Variants in RFX2 observed in about 807,000 individuals in gnomAD.
RFX2 encodes the protein DNA-binding protein RFX2.
A neutral mutation model predicts 87.8 loss-of-function variants in RFX2; 20 were observed. The ratio of observed to expected loss-of-function variants is 0.23; its 90% CI spans 0.16 to 0.33. RFX2 has a LOEUF of 0.33. Ranked by LOEUF, RFX2 falls within the 10% of genes least tolerant of loss-of-function variation. The probability of loss-of-function intolerance (pLI) is 1.00; values close to 1 mark genes in which losing one functional copy is unlikely to be tolerated. For synonymous variants in RFX2, 397 were observed against 431.3 expected, an observed-to-expected ratio of 0.92 and a Z score of 0.98; for missense variants, 767 against 1,012.3, an observed-to-expected ratio of 0.76 and a Z score of 3.29.
intron 1 of RFX2, among the ~76,000 whole-genome samples, chr19:6,096,658 G>C (rs892215917): frequency 1.3e-5 from 2 of 152,184 alleles, no homozygotes; most frequent in East Asian, 1.9e-4. Context: ...ATGTTAGCCA[G>C]GATGGTCTCG....
intron 1 of RFX2, among the ~76,000 whole-genome samples, chr19:6,048,340 T>C (rs1263690284): frequency 1.3e-5 from 2 of 152,256 alleles, no homozygotes; most frequent in Non-Finnish European, 2.9e-5. Flanking sequence ...AGTTTTACAA[T>C]TCTATATAAA....
intron 1 of RFX2, among the ~76,000 whole-genome samples, chr19:6,051,978 C>T (rs368144662): frequency 5.3e-5 from 8 of 152,250 alleles, no homozygotes; most frequent in East Asian, 3.9e-4. Context: ...CCCAGGTTCA[C>T]GCCATTCTCC....
Position 6,002,618 on chromosome 19 carries a change from CG to C in RFX2, c.1650+102del. On this transcript the variant is annotated intron_variant, in intron 14 of 17. Coordinates refer to ENST00000303657, the MANE Select transcript of RFX2 (RefSeq NM_000635.4). This position sits in a 1 kb window ranked among gnomAD's most constrained non-coding sequence, Gnocchi z 6.7. ...CATGCAACAGAACCGTGGCCAGGCT[CG>C]GGGCAGGGGCCAGGTTGTGCCACGG... 2 of 1,434,074 alleles carry C rather than the reference CG, an allele frequency of 1.4e-6. No individual in the cohort carries two copies. Among genetic ancestry groups the C allele is most frequent in the Non-Finnish European group, 9.6e-7 (1 of 1,040,740 alleles). The allele number at this position is 1,434,074 out of a possible 1,614,324, so 88.8% of individuals were successfully genotyped here. A position where few individuals can be genotyped will look rare whatever the true frequency, so the allele number is the denominator to read the frequency against.
chr19:6,070,373 A>G (rs567331861), intron 1 of RFX2, among the ~76,000 whole-genome samples: 1 of 152,058 alleles, frequency 6.6e-6, no homozygotes, highest in Non-Finnish European at 1.5e-5. Context: ...ACCAAGTCAT[A>G]GTCCTTCTGG....
chr19:6,033,503 T>G (rs1192530107), intron 5 of RFX2, among the ~76,000 whole-genome samples: 1 of 152,018 alleles, frequency 6.6e-6, no homozygotes, highest in Admixed American at 6.6e-5. Context: ...TAGTGCTTTT[T>G]GTATGACAGT....
At chr19:6,085,786 T>C (rs1248217847) in intron 1 of RFX2, among the ~76,000 whole-genome samples, 2 of 152,092 alleles carry the variant, frequency 1.3e-5, no homozygotes, top group East Asian at 1.9e-4. Context: ...TTAATTTTTG[T>C]GTATGTTATA....
intron 13 of RFX2, among the ~76,000 whole-genome samples, chr19:6,003,127 C>T (rs74174363): frequency 0.13 from 19,224 of 152,170 alleles, 1,412 homozygotes; most frequent in Middle Eastern, 0.23. Flanking sequence ...TCACAACTGT[C>T]GCCATGCCCA....
chr19:6,021,273 G>A lies in RFX2; in HGVS notation c.597+4890C>T, dbSNP rs1374281962. Among the ~76,000 whole-genome samples, 3 of 152,208 alleles carry A rather than the reference G, an allele frequency of 2.0e-5. No homozygotes were observed. Among genetic ancestry groups the A allele is most frequent in the African/African-American group, 7.2e-5 (3 of 41,448 alleles). On this transcript the variant is annotated intron_variant, in intron 6 of 17. Coordinates refer to ENST00000303657, the MANE Select transcript of RFX2 (RefSeq NM_000635.4). The surrounding 1 kb of genome is among the most constrained non-coding windows in gnomAD (Gnocchi z 5.7). ...ACCCATTCCACAAATATTTACGAGA[G>A]CTGGCTCTATGCCAGGCCTTGTTTA...
intron 1 of RFX2, among the ~76,000 whole-genome samples, chr19:6,070,301 G>A (rs2087587856): frequency 8.0e-6 from 1 of 125,704 alleles, no homozygotes; most frequent in South Asian, 2.6e-4. Flanking sequence ...CCAGGGCTAG[G>A]TGCATGGATA....
chr19:6,100,023 G>C (rs937621722), intron 1 of RFX2, among the ~76,000 whole-genome samples: 2 of 152,220 alleles, frequency 1.3e-5, no homozygotes, highest in South Asian at 4.1e-4. Flanking sequence ...AATAGTGCCA[G>C]GGTAGAGACT....
At position 6,083,651 on chromosome 19, in the gene RFX2, C is replaced by T. The variant is rs765871565; in HGVS notation, c.-9+26742G>A. Among the ~76,000 whole-genome samples, 13 of 151,618 alleles carry T rather than the reference C, an allele frequency of 8.6e-5. No individual in the cohort carries two copies. The highest frequency in any genetic ancestry group is 1.9e-4 in the Non-Finnish European group (13 of 67,970). The stretch of plus-strand genomic sequence containing the variant: ...GCAGTGGTGCAAACATGGCTCACTG[C>T]AGCCTCCACTTCCAGAGCTCAAGTG... On this transcript the variant is annotated intron_variant, in intron 1 of 17. Transcript: ENST00000303657. This position sits in a 1 kb window ranked among gnomAD's most constrained non-coding sequence, Gnocchi z 4.6.
At chr19:6,065,896 A>G (rs2087502640) in intron 1 of RFX2, among the ~76,000 whole-genome samples, 1 of 145,448 alleles carries the variant, frequency 6.9e-6, no homozygotes, top group African/African-American at 2.5e-5. Flanking sequence ...CATTAGTCAG[A>G]TTGCACTCGA....
chr19:5,994,938 T>C lies in RFX2; in HGVS notation c.2069A>G (p.Asp690Gly), dbSNP rs1389846007. 1.2e-6 allele frequency: 2 copies of C among 1,606,918 alleles called. No homozygotes were observed. The highest frequency in any genetic ancestry group is 1.7e-6 in the Non-Finnish European group (2 of 1,179,580). Reference sequence around the variant, plus strand: ...GCCCGCCTCGCTGCCACGCTGCTCATCGCCCATGTCATCTGCGGAGGGAGG... The same window carrying C: ...GCCCGCCTCGCTGCCACGCTGCTCACCGCCCATGTCATCTGCGGAGGGAGG... ...LTLLDKDDMG[D>G]EQRGSEAGPD... The change falls in exon 18 of 18, where the codon GAT (aspartate) becomes GGT (glycine). Residue 690 changes from aspartate to glycine, a missense_variant. Around this residue, in one of 2 missense-constraint regions of RFX2, gnomAD observed 621 missense variants for 873.0 expected, o/e 0.71. Transcript: ENST00000303657.
Position 6,023,657 on chromosome 19 carries a change from C to T in RFX2, c.597+2506G>A, listed in dbSNP as rs781184335. On this transcript the variant is annotated intron_variant, in intron 6 of 17. Transcript: ENST00000303657. The surrounding 1 kb of genome is among the most constrained non-coding windows in gnomAD (Gnocchi z 4.9). ...GAAACGAGAGATTTTACCTTCAGCT[C>T]GGGAATACGAATCTTCATCGGGGAA... 6.6e-6 allele frequency among the ~76,000 whole-genome samples: 1 copy of T among 152,156 alleles called. No individual in the cohort carries two copies. Among genetic ancestry groups the T allele is most frequent in the African/African-American group, 2.4e-5 (1 of 41,416 alleles).
Position 6,002,445 on chromosome 19 carries a change from G to C in RFX2, c.1650+276C>G, listed in dbSNP as rs73923416. Among the ~76,000 whole-genome samples the C allele has an allele frequency of 2.2e-3, 336 of 152,344 alleles. 4 individuals are homozygous for C. Among genetic ancestry groups the C allele is most frequent in the African/African-American group, 7.9e-3 (330 of 41,576 alleles). ...GGAAAATGGCCACAGGGAGGTCAAC[G>C]TGGTGCCACGATCCTGGAAGCTGGG... On this transcript the variant is annotated intron_variant, in intron 14 of 17. Transcript: ENST00000303657. The surrounding 1 kb of genome is among the most constrained non-coding windows in gnomAD (Gnocchi z 6.7).
chr19:6,069,386 T>C (rs1344404903), intron 1 of RFX2, among the ~76,000 whole-genome samples: 2 of 151,702 alleles, frequency 1.3e-5, no homozygotes, highest in African/African-American at 4.9e-5. Flanking sequence ...GATGGGGCCA[T>C]CAGTGTATAG....
intron 5 of RFX2, among the ~76,000 whole-genome samples, chr19:6,031,532 C>T (rs572379423): frequency 1.5e-5 from 2 of 137,786 alleles, no homozygotes; most frequent in Non-Finnish European, 3.0e-5. Flanking sequence ...CAGGTTCAAG[C>T]AATTCTCCTG....
rs1028322034 is a variant in RFX2, at chr19:6,060,506, T to G, written c.-8-13002A>C. On this transcript the variant is annotated intron_variant, in intron 1 of 17. Coordinates refer to ENST00000303657, the MANE Select transcript of RFX2 (RefSeq NM_000635.4). Reference sequence around the variant, plus strand: ...ACACCCATTTGAGGAGAACATCCACTGCCACTGAAACCCTGCTCTTTATCC... The same window carrying G: ...ACACCCATTTGAGGAGAACATCCACGGCCACTGAAACCCTGCTCTTTATCC... 4.6e-5 allele frequency among the ~76,000 whole-genome samples: 7 copies of G among 152,320 alleles called. No homozygotes were observed. In the East Asian group the frequency reaches 1.4e-3, roughly 29 times the overall value.
intron 1 of RFX2, among the ~76,000 whole-genome samples, chr19:6,086,539 T>C (rs1446358005): frequency 2.6e-5 from 4 of 152,228 alleles, no homozygotes; most frequent in Admixed American, 2.0e-4. Context: ...CACTTGTATA[T>C]GTGGTCTGCT....
Sources: allele counts gnomAD v4.1 joint callset (sites outside exome capture counted in the v4.1 genomes callset), GRCh38; gene constraint gnomAD v4.1.1; regional missense constraint gnomAD v4.1.1; non-coding constraint Gnocchi (gnomAD v3.1); transcripts MANE v1.5; gene names NCBI Gene and HGNC (gene_info 2026-07-23, HGNC 2026-07-21).